The following PLEKHA5 variants were observed in gnomAD, a reference collection of about 807,000 sequenced individuals.
The protein encoded by PLEKHA5 is pleckstrin homology domain-containing family A member 5.
A neutral mutation model predicts 181.9 loss-of-function variants in PLEKHA5; 55 were observed. That is an observed-to-expected ratio of 0.30 (90% CI 0.24 to 0.38). The LOEUF (loss-of-function observed/expected upper bound fraction) is 0.38. Among genes scored for constraint, PLEKHA5 ranks in the 10% least tolerant of loss-of-function variants. PLEKHA5 has a pLI of 1.00. For missense variants in PLEKHA5, 1,432 were observed against 1,549.5 expected (o/e 0.92, Z 1.27); for synonymous variants, 535 against 529.4 (o/e 1.01, Z -0.15).
At chr12:19,155,015 G>A (rs2041342646) in intron 3 of PLEKHA5, among the ~76,000 whole-genome samples, 1 of 152,184 alleles carries the variant, frequency 6.6e-6, no homozygotes, top group Admixed American at 6.5e-5. Context: ...AGAAAATGAG[G>A]AAAGGGGTGA....
intron 30 of PLEKHA5, among the ~76,000 whole-genome samples, chr12:19,369,039 T>C (rs955902578): frequency 1.4e-4 from 21 of 152,080 alleles, no homozygotes; most frequent in African/African-American, 4.8e-4. Flanking sequence ...TTTTTGTTGT[T>C]GTTGTTGTTG....
chr12:19,353,876 AT>A lies in PLEKHA5; in HGVS notation c.3020-3del. The A allele has an allele frequency of 1.5e-6, 2 of 1,375,880 alleles. No individual in the cohort carries two copies. The highest frequency in any genetic ancestry group is 2.1e-6 in the Non-Finnish European group (2 of 965,804). 85.2% of individuals were successfully genotyped at this position (1,375,880 alleles called of 1,614,324 possible). ...TTTTGTAAAACTTACTGCTGTTTTA[AT>A]TTTTAGGTTCCCACTTTCCTGTTGG... On this transcript the variant is annotated splice_region_variant and splice_polypyrimidine_tract_variant and intron_variant, in intron 25 of 31. Transcript: ENST00000429027.
chr12:19,336,478 T>C (rs756301600), intron 20 of PLEKHA5, 37 bp from the exon 21 acceptor site: 1 of 1,069,278 alleles, frequency 9.4e-7, no homozygotes, highest in Non-Finnish European at 1.4e-6. Flanking sequence ...AAAAGCACAT[T>C]TTCCCCATTA....
chr12:19,220,529 A>G (rs2058780543), intron 3 of PLEKHA5, among the ~76,000 whole-genome samples: 1 of 152,182 alleles, frequency 6.6e-6, no homozygotes, highest in Non-Finnish European at 1.5e-5. Context: ...TGTAGTTAGA[A>G]TTTATAGTTA....
chr12:19,200,202 C>G, intron 3 of PLEKHA5: 1 of 662,140 alleles, frequency 1.5e-6, no homozygotes. Context: ...CTAACTTGAT[C>G]ATTACACTTT....
chr12:19,270,276 TC>T, intron 10 of PLEKHA5, 71 bp downstream of exon 10: 6 of 804,842 alleles, frequency 7.5e-6, no homozygotes, highest in Non-Finnish European at 1.1e-5. Context: ...TTTTTAAGAT[TC>T]TAAATCTTAG....
intron 3 of PLEKHA5, among the ~76,000 whole-genome samples, chr12:19,143,820 T>C (rs993872458): frequency 5.9e-5 from 9 of 152,208 alleles, no homozygotes; most frequent in African/African-American, 2.2e-4. Flanking sequence ...AGAAGGTTTT[T>C]AATAACTATG....
intron 3 of PLEKHA5, among the ~76,000 whole-genome samples, chr12:19,146,013 C>CA (rs1226774769): frequency 6.6e-6 from 1 of 152,130 alleles, no homozygotes; most frequent in Non-Finnish European, 1.5e-5. Flanking sequence ...CATAATGATT[C>CA]AAAAAGCCCC....
intron 3 of PLEKHA5, among the ~76,000 whole-genome samples, chr12:19,223,731 A>T (rs1196283268): frequency 6.6e-6 from 1 of 152,150 alleles, no homozygotes; most frequent in Non-Finnish European, 1.5e-5. Context: ...ATCTTACATC[A>T]GAGATTAACT....
intron 20 of PLEKHA5, among the ~76,000 whole-genome samples, chr12:19,334,817 A>AG: frequency 1.2e-4 from 1 of 8,244 alleles, no homozygotes; most frequent in Admixed American, 2.0e-3. Context: ...TCCTGTCTTC[A>AG]CAAAAAAAAA....
At chr12:19,300,192 A>G (rs967616998) in intron 15 of PLEKHA5, among the ~76,000 whole-genome samples, 3 of 152,250 alleles carry the variant, frequency 2.0e-5, no homozygotes, top group African/African-American at 7.2e-5. Flanking sequence ...ATCATAAGCT[A>G]GAGTGAAAAC....
At chr12:19,243,912 G>A (rs1054436486) in intron 3 of PLEKHA5, among the ~76,000 whole-genome samples, 3 of 152,022 alleles carry the variant, frequency 2.0e-5, no homozygotes, top group Admixed American at 2.0e-4. Flanking sequence ...TTAATTGTAG[G>A]CACAATTTTC....
intron 20 of PLEKHA5, among the ~76,000 whole-genome samples, chr12:19,332,973 T>C (rs1025693175): frequency 2.6e-5 from 4 of 152,156 alleles, no homozygotes; most frequent in African/African-American, 9.7e-5. Context: ...TTATGTGAAG[T>C]GTAACCATAT....
chr12:19,304,357 A>G (rs1193767649), intron 15 of PLEKHA5, among the ~76,000 whole-genome samples: 1 of 152,222 alleles, frequency 6.6e-6, no homozygotes, highest in Non-Finnish European at 1.5e-5. Flanking sequence ...GTGAGCTGAG[A>G]TTGCGCCATT....
intron 7 of PLEKHA5, among the ~76,000 whole-genome samples, chr12:19,261,974 T>C (rs2152627104): frequency 6.6e-6 from 1 of 152,314 alleles, no homozygotes; most frequent in Admixed American, 6.5e-5. Context: ...ACCAACCGTA[T>C]AAAATTGCAT....
chr12:19,280,668 G>A (rs770556503), intron 11 of PLEKHA5, among the ~76,000 whole-genome samples: 7 of 151,878 alleles, frequency 4.6e-5, no homozygotes, highest in African/African-American at 7.3e-5. Context: ...TTTGATATTA[G>A]GATATAAATT....
chr12:19,351,921 A>G (rs973219895), intron 25 of PLEKHA5, among the ~76,000 whole-genome samples: 1 of 151,992 alleles, frequency 6.6e-6, no homozygotes, highest in Admixed American at 6.6e-5. Context: ...TAAAAATACA[A>G]AATTAGCTAG....
intron 29 of PLEKHA5, among the ~76,000 whole-genome samples, chr12:19,362,599 G>A (rs567024150): frequency 6.6e-6 from 1 of 152,072 alleles, no homozygotes; most frequent in East Asian, 1.9e-4. Context: ...CACCTAGGAA[G>A]TATTCAATAA....
At chr12:19,306,161 A>G (rs2083460425) in intron 15 of PLEKHA5, among the ~76,000 whole-genome samples, 1 of 152,174 alleles carries the variant, frequency 6.6e-6, no homozygotes, top group African/African-American at 2.4e-5. Context: ...GATTTTCTAG[A>G]TAGTTTTTCT....
Sources: gnomAD v4.1 joint callset for allele counts (sites outside exome capture counted in the v4.1 genomes callset) on GRCh38, gnomAD v4.1.1 for gene constraint, MANE v1.5 for transcripts, NCBI Gene and HGNC (gene_info 2026-07-23, HGNC 2026-07-21) for gene names.